The following BUB1B variants were observed in gnomAD, a reference collection of about 807,000 sequenced individuals.
BUB1B encodes the protein mitotic checkpoint serine/threonine-protein kinase BUB1 beta.
BUB1B carries 86 observed loss-of-function variants against 137.7 expected under a neutral mutation model. The ratio of observed to expected loss-of-function variants is 0.62; its 90% CI spans 0.52 to 0.75. The LOEUF (loss-of-function observed/expected upper bound fraction) is 0.75, where lower values mean the gene tolerates loss of function less well. Ranked by LOEUF, BUB1B falls within the 30% of genes least tolerant of loss-of-function variation. The pLI, the probability that BUB1B is intolerant of heterozygous loss-of-function variation, is 0.00. For missense variants in BUB1B, 1,130 were observed against 1,236.9 expected (o/e 0.91, Z 1.30); for synonymous variants, 420 against 417.9 (o/e 1.00, Z -0.06).
chr15:40,188,177 A>G (rs967037696), intron 8 of BUB1B, among the ~76,000 whole-genome samples: 2 of 152,008 alleles, frequency 1.3e-5, no homozygotes, highest in Non-Finnish European at 2.9e-5. Flanking sequence ...CCTCCTGAGT[A>G]GCTGGGATTA....
At chr15:40,161,840 GTA>G (rs1309341157) in intron 1 of BUB1B, among the ~76,000 whole-genome samples, 2 of 152,120 alleles carry the variant, frequency 1.3e-5, no homozygotes, top group African/African-American at 4.8e-5. Context: ...TTGGAAATCT[GTA>G]TGTGTTTTCA....
intron 2 of BUB1B, 116 bp from the exon 3 acceptor site, chr15:40,169,946 G>A: frequency 1.1e-6 from 1 of 901,958 alleles, no homozygotes; most frequent in East Asian, 2.5e-5. Flanking sequence ...ATAAACTCTA[G>A]TGCAATAATT....
At chr15:40,169,562 A>C (rs1292844293) in intron 2 of BUB1B, among the ~76,000 whole-genome samples, 1 of 117,110 alleles carries the variant, frequency 8.5e-6, no homozygotes, top group Non-Finnish European at 1.8e-5. Context: ...ATTTCTATAT[A>C]TTTTCTCTCT....
intron 8 of BUB1B, among the ~76,000 whole-genome samples, chr15:40,193,461 A>T (rs372631011): frequency 1.7e-3 from 131 of 77,854 alleles, no homozygotes; most frequent in Admixed American, 3.4e-3. Context: ...TTATATGCTT[A>T]TTACCACTTT....
Position 40,196,700 on chromosome 15 carries a change from C to T in BUB1B, c.1214C>T (p.Ala405Val), listed in dbSNP as rs1380909243. The change falls in exon 9 of 23, where the codon GCA becomes GTA. Residue 405 changes from alanine (A) to valine (V), a missense_variant. Physicochemically the swap from Ala to Val is moderately conservative, Grantham distance 64. Transcript: ENST00000287598. ...ATGTATTGTAAGGAGAAGATTTATG[C>T]AGGAGTAGGGGAATTCTCCTTTGAA... Reference protein sequence around the residue: ...KMMYCKEKIYAGVGEFSFEEI... With the variant: ...KMMYCKEKIYVGVGEFSFEEI... 1 of 1,614,008 alleles carries T rather than the reference C, an allele frequency of 6.2e-7. No homozygotes were observed. The highest frequency in any genetic ancestry group is 8.5e-7 in the Non-Finnish European group (1 of 1,179,948).
chr15:40,172,304 C>T (rs1243262603), intron 4 of BUB1B, among the ~76,000 whole-genome samples: 2 of 151,630 alleles, frequency 1.3e-5, no homozygotes, highest in Non-Finnish European at 2.9e-5. Context: ...TACAGTTGAC[C>T]CTTGAACAAC....
intron 17 of BUB1B, 78 bp from the exon 18 acceptor site, chr15:40,210,032 C>T: frequency 8.2e-7 from 1 of 1,217,566 alleles, no homozygotes. Context: ...TGCCTCTATC[C>T]CTTAAACCAG....
intron 4 of BUB1B, among the ~76,000 whole-genome samples, chr15:40,175,155 A>T (rs996232791): frequency 6.6e-6 from 1 of 152,190 alleles, no homozygotes; most frequent in Non-Finnish European, 1.5e-5. Context: ...CTCTTAAGGG[A>T]ATAATGTAAA....
At chr15:40,184,027 A>G in intron 6 of BUB1B, 144 bp downstream of exon 6, 1 of 842,190 alleles carries the variant, frequency 1.2e-6, no homozygotes, top group Non-Finnish European at 1.9e-6. Context: ...AGGAGAGCTA[A>G]TATTACAGTG....
At chr15:40,166,158 C>T (rs2037095177) in intron 2 of BUB1B, among the ~76,000 whole-genome samples, 1 of 152,138 alleles carries the variant, frequency 6.6e-6, no homozygotes, top group African/African-American at 2.4e-5. Context: ...CAGCCTCATT[C>T]ATCATATTTT....
intron 20 of BUB1B, among the ~76,000 whole-genome samples, chr15:40,216,054 A>G (rs1446586715): frequency 1.3e-5 from 2 of 152,238 alleles, no homozygotes; most frequent in South Asian, 2.1e-4. Context: ...GTGAGTGAGT[A>G]GCTGATTAGA....
intron 18 of BUB1B, among the ~76,000 whole-genome samples, chr15:40,210,822 C>G (rs1054428512): frequency 1.3e-5 from 2 of 152,164 alleles, no homozygotes; most frequent in African/African-American, 4.8e-5. Context: ...CATTCTGAGT[C>G]TCAAAGCTTT....
At chr15:40,210,272 GTCC>G (rs2037694749) in intron 18 of BUB1B, 62 bp downstream of exon 18, 1 of 1,220,730 alleles carries the variant, frequency 8.2e-7, no homozygotes, top group Admixed American at 1.7e-5. Flanking sequence ...AGCAATAACT[GTCC>G]TCATGTTACC....
At chr15:40,189,215 A>G (rs1396760071) in intron 8 of BUB1B, among the ~76,000 whole-genome samples, 2 of 152,036 alleles carry the variant, frequency 1.3e-5, no homozygotes, top group African/African-American at 2.4e-5. Context: ...GCTGGAGTAC[A>G]TTGGTGCAAT....
intron 1 of BUB1B, 148 bp downstream of exon 1, chr15:40,161,403 C>G: frequency 1.0e-6 from 1 of 965,854 alleles, no homozygotes; most frequent in Non-Finnish European, 1.4e-6. Flanking sequence ...GAGTAGAATG[C>G]CGGAGGTGGA....
At chr15:40,199,577 A>G (rs756170861) in intron 9 of BUB1B, 38 bp from the exon 10 acceptor site, 4 of 1,525,592 alleles carry the variant, frequency 2.6e-6, no homozygotes, top group Non-Finnish European at 3.6e-6. Context: ...ATGAGTTACT[A>G]TGAGGAATAA....
At chr15:40,164,791 C>T (rs2037076184) in intron 1 of BUB1B, among the ~76,000 whole-genome samples, 1 of 151,786 alleles carries the variant, frequency 6.6e-6, no homozygotes, top group Non-Finnish European at 1.5e-5. Flanking sequence ...TGTGAGCCAC[C>T]GCACATAGCC....
At chr15:40,179,272 G>T (rs934300823) in intron 5 of BUB1B, among the ~76,000 whole-genome samples, 2 of 151,866 alleles carry the variant, frequency 1.3e-5, no homozygotes, top group Non-Finnish European at 2.9e-5. Flanking sequence ...GTTTATTGCC[G>T]AATGATATTC....
chr15:40,170,887 T>A (rs1011122372), intron 4 of BUB1B, among the ~76,000 whole-genome samples: 1 of 152,148 alleles, frequency 6.6e-6, no homozygotes, highest in Non-Finnish European at 1.5e-5. Flanking sequence ...TTTTCGCCCT[T>A]TTAAGATTGA....
Sources: gnomAD v4.1 joint callset for allele counts (sites outside exome capture counted in the v4.1 genomes callset) on GRCh38, gnomAD v4.1.1 for gene constraint, MANE v1.5 for transcripts, NCBI Gene and HGNC (gene_info 2026-07-23, HGNC 2026-07-21) for gene names.